Variants in EPHA8 observed in about 807,000 individuals in gnomAD.
EPHA8 encodes the protein EPH receptor A8.
A neutral mutation model predicts 103.6 loss-of-function variants in EPHA8; 58 were observed. That is an observed-to-expected ratio of 0.56 (90% CI 0.45 to 0.70). The LOEUF (loss-of-function observed/expected upper bound fraction) is 0.70. Ranked by LOEUF, EPHA8 falls within the 30% of genes least tolerant of loss-of-function variation. EPHA8 has a pLI of 0.00. For synonymous variants in EPHA8, 559 were observed against 572.5 expected (o/e 0.98, Z 0.34); for missense variants, 1,304 against 1,395.2 (o/e 0.93, Z 1.04).
At chr1:22,596,051 A>G (rs1277655318) in intron 8 of EPHA8, 55 bp from the exon 9 acceptor site, 2 of 1,557,258 alleles carry the variant, frequency 1.3e-6, no homozygotes, top group Non-Finnish European at 8.8e-7. Context: ...GGTTGGGGTC[A>G]GGTCCCGGGC....
intron 3 of EPHA8, among the ~76,000 whole-genome samples, chr1:22,581,296 A>G (rs879508014): frequency 3.9e-5 from 6 of 152,232 alleles, no homozygotes; most frequent in Non-Finnish European, 8.8e-5. Flanking sequence ...CTGGTACAGC[A>G]TAAGTCATAA....
intron 13 of EPHA8, 86 bp from the exon 14 acceptor site, chr1:22,600,575 C>A: frequency 6.5e-7 from 1 of 1,541,476 alleles, no homozygotes; most frequent in South Asian, 1.2e-5. Context: ...AAACAGGACC[C>A]CAGTGTTTAG....
At chr1:22,578,495 T>C (rs781763397) in intron 3 of EPHA8, among the ~76,000 whole-genome samples, 2 of 147,078 alleles carry the variant, frequency 1.4e-5, no homozygotes, top group Non-Finnish European at 3.0e-5. Context: ...TGTGCATGTG[T>C]GCATGAGTGC....
intron 2 of EPHA8, among the ~76,000 whole-genome samples, chr1:22,573,351 T>C (rs887133569): frequency 5.3e-5 from 8 of 152,166 alleles, no homozygotes; most frequent in African/African-American, 1.9e-4. Flanking sequence ...AATTTTCCCA[T>C]TGCATCCTCT....
chr1:22,589,288 C>CCGGGGA lies in EPHA8; in HGVS notation c.1315+85_1315+90dup. Reference sequence around the variant, plus strand: ...GACCCATCCAGGGATCAGAGCTCTGCCGGGGACGTGCTGTGGGCCTTTAGG... The same window carrying CCGGGGA: ...GACCCATCCAGGGATCAGAGCTCTGCCGGGGACGGGGACGTGCTGTGGGCCTTTAGG... On this transcript the variant is annotated intron_variant, in intron 5 of 16. Coordinates refer to ENST00000166244, the MANE Select transcript of EPHA8 (RefSeq NM_020526.5). The surrounding 1 kb of genome is among the most constrained non-coding windows in gnomAD (Gnocchi z 4.3). 1 of 1,613,484 alleles carries CCGGGGA rather than the reference C, an allele frequency of 6.2e-7. No homozygotes were observed. Among genetic ancestry groups the CCGGGGA allele is most frequent in the African/African-American group, 1.3e-5 (1 of 75,074 alleles).
At chr1:22,581,349 C>T (rs1057240150) in intron 3 of EPHA8, among the ~76,000 whole-genome samples, 1 of 152,336 alleles carries the variant, frequency 6.6e-6, no homozygotes, top group Admixed American at 6.5e-5. Flanking sequence ...CAGGGTCGGC[C>T]ACCGTCCCCA....
Position 22,578,255 on chromosome 1 carries a change from T to C in EPHA8, c.823+1375T>C, listed in dbSNP as rs1416618032. Among the ~76,000 whole-genome samples the C allele has an allele frequency of 2.0e-5, 3 of 146,638 alleles. No homozygotes were observed. In the East Asian group the frequency reaches 6.3e-4, roughly 31 times the overall value. On this transcript the variant is annotated intron_variant, in intron 3 of 16. Coordinates refer to ENST00000166244, the MANE Select transcript of EPHA8 (RefSeq NM_020526.5). ...GTGTATGTGTGCATGTGTGTGTCTG[T>C]ATACCCGTGTGTGCATGAGTGCATG...
At chr1:22,599,868 G>GGAGA (rs1557583715) in intron 13 of EPHA8, among the ~76,000 whole-genome samples, 1 of 71,948 alleles carries the variant, frequency 1.4e-5, no homozygotes, top group Non-Finnish European at 2.6e-5. Context: ...AGGGAGGAAG[G>GGAGA]GAAGGAGGGA....
chr1:22,577,944 TGCG>T (rs1640775143), intron 3 of EPHA8, among the ~76,000 whole-genome samples: 1 of 102,346 alleles, frequency 9.8e-6, no homozygotes. Flanking sequence ...AGTGTATGTG[TGCG>T]AGTGTATGCA....
chr1:22,600,955 G>T lies in EPHA8; in HGVS notation c.2596G>T (p.Ala866Ser). 1 of 1,612,842 alleles carries T rather than the reference G, an allele frequency of 6.2e-7. No homozygotes were observed. The highest frequency in any genetic ancestry group is 8.5e-7 in the Non-Finnish European group (1 of 1,179,776). Reference sequence around the variant, plus strand: ...GCCCGCACCCATGGGCTGCCCCCACGCCCTGCACCAGCTCATGCTCGACTG... The same window carrying T: ...GCCCGCACCCATGGGCTGCCCCCACTCCCTGCACCAGCTCATGCTCGACTG... Reference protein sequence around the residue: ...RLPAPMGCPHALHQLMLDCWH... With the variant: ...RLPAPMGCPHSLHQLMLDCWH... Residue 866 changes from alanine to serine, a missense_variant, in exon 15 of 17, where the codon GCC becomes TCC. Coordinates refer to ENST00000166244, the MANE Select transcript of EPHA8 (RefSeq NM_020526.5).
chr1:22,580,391 G>A (rs554852072), intron 3 of EPHA8, among the ~76,000 whole-genome samples: 5 of 152,012 alleles, frequency 3.3e-5, no homozygotes, highest in South Asian at 2.1e-4. Flanking sequence ...CGCCTGCCTC[G>A]GCCTCCCAAA....
chr1:22,568,303 G>A (rs893041122), intron 1 of EPHA8, among the ~76,000 whole-genome samples: 1 of 152,202 alleles, frequency 6.6e-6, no homozygotes, highest in Admixed American at 6.5e-5. Context: ...TCCCTACCAT[G>A]TTGAGCCTGC....
Position 22,586,471 on chromosome 1 carries a change from C to T in EPHA8, c.824-9C>T. On this transcript the variant is annotated splice_polypyrimidine_tract_variant and intron_variant, in intron 3 of 16. Transcript: ENST00000166244. ...GCTGGCTCATGTGCAGCCGCCTTCT[C>T]CTCCACAGCCTGTGAGCTGGGCTTC... 1 of 1,612,668 alleles carries T rather than the reference C, an allele frequency of 6.2e-7. No individual in the cohort carries two copies. Among genetic ancestry groups the T allele is most frequent in the Non-Finnish European group, 8.5e-7 (1 of 1,179,400 alleles).
intron 3 of EPHA8, among the ~76,000 whole-genome samples, chr1:22,577,098 G>A (rs1640730127): frequency 6.6e-6 from 1 of 152,210 alleles, no homozygotes; most frequent in South Asian, 2.1e-4. Flanking sequence ...AGATGGGGGA[G>A]GGGAGAGGGA....
chr1:22,587,037 C>T (rs575486827), intron 4 of EPHA8, among the ~76,000 whole-genome samples: 2 of 152,362 alleles, frequency 1.3e-5, no homozygotes, highest in East Asian at 3.9e-4. Context: ...CTTTGATGAA[C>T]TTGTTGGAAC....
At chr1:22,577,789 CGT>C (rs1283045008) in intron 3 of EPHA8, among the ~76,000 whole-genome samples, 3 of 141,826 alleles carry the variant, frequency 2.1e-5, no homozygotes, top group African/African-American at 5.4e-5. Context: ...TGCATGTGTG[CGT>C]GTGTGCGTAA....
At chr1:22,585,289 A>C (rs1437160140) in intron 3 of EPHA8, among the ~76,000 whole-genome samples, 1 of 152,018 alleles carries the variant, frequency 6.6e-6, no homozygotes, top group African/African-American at 2.4e-5. Context: ...CTGGGCAGGG[A>C]GGGATTTGAA....
intron 3 of EPHA8, 142 bp downstream of exon 3, chr1:22,577,022 A>G: frequency 9.8e-7 from 1 of 1,021,372 alleles, no homozygotes; most frequent in Non-Finnish European, 1.4e-6. Context: ...ATAAACCTCC[A>G]GTGTTCCTAC....
chr1:22,585,059 G>A (rs548124963), intron 3 of EPHA8, among the ~76,000 whole-genome samples: 11 of 151,726 alleles, frequency 7.2e-5, no homozygotes, highest in Admixed American at 3.9e-4. Context: ...GTGCGCACGC[G>A]TGTGTCTAGA....
Sources: allele counts gnomAD v4.1 joint callset (sites outside exome capture counted in the v4.1 genomes callset), GRCh38; gene constraint gnomAD v4.1.1; non-coding constraint Gnocchi (gnomAD v3.1); transcripts MANE v1.5; gene names NCBI Gene and HGNC (gene_info 2026-07-23, HGNC 2026-07-21).